The following RELN variants were observed in gnomAD, a reference collection of about 807,000 sequenced individuals.
The protein encoded by RELN is reelin.
Under a neutral mutation model 427.6 loss-of-function variants are expected in RELN, and 108 were observed. That is an observed-to-expected ratio of 0.25 (90% CI 0.22 to 0.30). The LOEUF (loss-of-function observed/expected upper bound fraction) is 0.30. RELN is among the 10% of genes least tolerant of loss of function. RELN has a pLI of 1.00. For synonymous variants in RELN, 1,524 were observed against 1,513.4 expected, an observed-to-expected ratio of 1.01 and a Z score of -0.16; for missense variants, 3,715 against 4,302.8, an observed-to-expected ratio of 0.86 and a Z score of 3.82.
intron 1 of RELN, among the ~76,000 whole-genome samples, chr7:103,938,221 T>A (rs1373427933): frequency 6.6e-6 from 1 of 151,868 alleles, no homozygotes; most frequent in African/African-American, 2.4e-5. Context: ...CTCAAGAGGC[T>A]GAGGAGGAGA....
intron 3 of RELN, among the ~76,000 whole-genome samples, chr7:103,814,199 A>C (rs1266619164): frequency 6.6e-6 from 1 of 152,208 alleles, no homozygotes; most frequent in Non-Finnish European, 1.5e-5. Context: ...TGGGCATAAT[A>C]ACACTGCTTA....
chr7:103,550,202 C>T (rs906996580), intron 41 of RELN, among the ~76,000 whole-genome samples: 3 of 152,156 alleles, frequency 2.0e-5, no homozygotes, highest in Admixed American at 1.3e-4. Context: ...CAAAGAGATG[C>T]AGACTTTAAA....
At chr7:103,560,290 T>A (rs1414774320) in intron 36 of RELN, among the ~76,000 whole-genome samples, 1 of 152,198 alleles carries the variant, frequency 6.6e-6, no homozygotes, top group African/African-American at 2.4e-5. Context: ...CATATCCTTT[T>A]TCACGAAAGA....
intron 22 of RELN, among the ~76,000 whole-genome samples, chr7:103,609,704 G>A (rs1032355168): frequency 6.6e-6 from 1 of 152,150 alleles, no homozygotes; most frequent in African/African-American, 2.4e-5. Flanking sequence ...ATAACTCTAG[G>A]TTGGTATCTA....
intron 3 of RELN, among the ~76,000 whole-genome samples, chr7:103,832,781 G>A (rs1793305788): frequency 6.6e-6 from 1 of 152,042 alleles, no homozygotes; most frequent in South Asian, 2.1e-4. Flanking sequence ...TTTCTACAGA[G>A]TACCTGACTT....
At chr7:103,781,982 T>C (rs1406215037) in intron 3 of RELN, among the ~76,000 whole-genome samples, 1 of 152,130 alleles carries the variant, frequency 6.6e-6, no homozygotes, top group Non-Finnish European at 1.5e-5. Context: ...GTTTACTATT[T>C]TGGAAAGTAG....
At chr7:103,948,251 A>G (rs1219865365) in intron 1 of RELN, among the ~76,000 whole-genome samples, 1 of 152,228 alleles carries the variant, frequency 6.6e-6, no homozygotes, top group East Asian at 1.9e-4. Flanking sequence ...CATAACTAGA[A>G]TCACATTCTA....
intron 22 of RELN, among the ~76,000 whole-genome samples, 171 bp from the exon 23 acceptor site, chr7:103,604,654 A>G (rs1259271658): frequency 6.6e-6 from 1 of 152,210 alleles, no homozygotes; most frequent in East Asian, 1.9e-4. Flanking sequence ...CAACAATTCT[A>G]TCATGAAAGA....
At chr7:103,807,423 T>A (rs959761695) in intron 3 of RELN, among the ~76,000 whole-genome samples, 1 of 152,202 alleles carries the variant, frequency 6.6e-6, no homozygotes. Flanking sequence ...CACTATTTGC[T>A]GAAAGTCCAT....
chr7:103,869,234 C>T (rs1794271447), intron 2 of RELN, among the ~76,000 whole-genome samples: 1 of 152,042 alleles, frequency 6.6e-6, no homozygotes, highest in African/African-American at 2.4e-5. Flanking sequence ...AAACAGGCAT[C>T]TTAAGCCCCA....
chr7:103,822,330 C>T (rs556314328), intron 3 of RELN, among the ~76,000 whole-genome samples: 1 of 151,688 alleles, frequency 6.6e-6, no homozygotes, highest in South Asian at 2.1e-4. Flanking sequence ...AAGTTTAAAC[C>T]TTCATAATAT....
intron 28 of RELN, among the ~76,000 whole-genome samples, chr7:103,587,951 G>T (rs527562586): frequency 2.9e-4 from 44 of 152,296 alleles, no homozygotes; most frequent in African/African-American, 5.1e-4. Context: ...ATGTAAACTA[G>T]TACAGCCACT....
intron 3 of RELN, among the ~76,000 whole-genome samples, chr7:103,787,921 T>C (rs1277598355): frequency 6.6e-6 from 1 of 152,000 alleles, no homozygotes; most frequent in Non-Finnish European, 1.5e-5. Flanking sequence ...TGAACATCGA[T>C]GCAAAAATCC....
chr7:103,815,165 A>G (rs1792839912), intron 3 of RELN, among the ~76,000 whole-genome samples: 1 of 152,198 alleles, frequency 6.6e-6, no homozygotes, highest in Non-Finnish European at 1.5e-5. Context: ...AAGTATTATA[A>G]TAAGATCATA....
At chr7:103,502,105 G>T (rs189154854) in intron 52 of RELN, among the ~76,000 whole-genome samples, 1 of 152,286 alleles carries the variant, frequency 6.6e-6, no homozygotes, top group East Asian at 1.9e-4. Flanking sequence ...CAGCCCTAGA[G>T]TTCACTTATC....
At position 103,809,446 on chromosome 7, in the gene RELN, C is replaced by A. The variant is rs147083966; in HGVS notation, c.473+24091G>T. ...TGTACCACCTGTGCTACAGGCCTCG[C>A]GAGCAGCCAGCCACCTCCAGGAGAG... On this transcript the variant is annotated intron_variant, in intron 3 of 64. Coordinates refer to ENST00000428762, the MANE Select transcript of RELN (RefSeq NM_005045.4). 7.5e-4 allele frequency among the ~76,000 whole-genome samples: 111 copies of A among 147,828 alleles called. 2 individuals carry two copies. The highest frequency in any genetic ancestry group is 7.0e-3 in the Middle Eastern group (2 of 286).
chr7:103,510,907 C>T lies in RELN; in HGVS notation c.8218G>A (p.Val2740Met). Reference protein sequence around the residue: ...MLCGSHDGREVYAVTHDLTPT... With the variant: ...MLCGSHDGREMYAVTHDLTPT... ...GTCAGGTCATGGGTCACTGCATACA[C>T]CTCCCGTCCATCATGACTGCCACAG... Residue 2740 changes from valine to methionine, a missense_variant, in exon 51 of 65, where the codon GTG becomes ATG. Transcript: ENST00000428762. The T allele has an allele frequency of 6.2e-7, 1 of 1,613,374 alleles. No individual in the cohort carries two copies. The highest frequency in any genetic ancestry group is 8.5e-7 in the Non-Finnish European group (1 of 1,179,372).
chr7:103,533,133 G>A (rs1013107327), intron 46 of RELN, among the ~76,000 whole-genome samples: 3 of 152,214 alleles, frequency 2.0e-5, no homozygotes, highest in African/African-American at 7.2e-5. Context: ...CTAGTACTGT[G>A]CCAACAATAC....
At chr7:103,583,703 A>C (rs924570748) in intron 28 of RELN, among the ~76,000 whole-genome samples, 1 of 152,234 alleles carries the variant, frequency 6.6e-6, no homozygotes, top group African/African-American at 2.4e-5. Flanking sequence ...GAAACACCTG[A>C]GGCACAAAAG....
Sources: gnomAD v4.1 joint callset for allele counts (sites outside exome capture counted in the v4.1 genomes callset) on GRCh38, gnomAD v4.1.1 for gene constraint, MANE v1.5 for transcripts, NCBI Gene and HGNC (gene_info 2026-07-23, HGNC 2026-07-21) for gene names.